Variants in FGD6 observed in about 807,000 individuals in gnomAD.
FGD6 encodes FYVE, RhoGEF and PH domain-containing protein 6.
FGD6 carries 90 observed loss-of-function variants against 149.4 expected under a neutral mutation model. The ratio of observed to expected loss-of-function variants is 0.60; its 90% confidence interval spans 0.51 to 0.72. The LOEUF is 0.72. Among genes scored for constraint, FGD6 ranks in the 30% least tolerant of loss-of-function variants. The pLI, the probability that FGD6 is intolerant of heterozygous loss-of-function variation, is 0.00. For missense variants in FGD6, 1,437 were observed against 1,684.8 expected, an observed-to-expected ratio of 0.85 and a Z score of 2.57; for synonymous variants, 527 against 584.0, an observed-to-expected ratio of 0.90 and a Z score of 1.41.
At chr12:95,120,347 AT>A (rs869204268) in intron 8 of FGD6, among the ~76,000 whole-genome samples, 14 of 150,368 alleles carry the variant, frequency 9.3e-5, no homozygotes, top group Non-Finnish European at 7.4e-5. Flanking sequence ...TTTATTTTTT[AT>A]TTTTTTTGCT....
intron 2 of FGD6, among the ~76,000 whole-genome samples, chr12:95,174,258 A>C (rs1419648880): frequency 6.6e-6 from 1 of 152,204 alleles, no homozygotes; most frequent in African/African-American, 2.4e-5. Flanking sequence ...TTGTTGACTG[A>C]GATTAGCGAG....
At chr12:95,152,225 C>T (rs1431129133) in intron 5 of FGD6, among the ~76,000 whole-genome samples, 2 of 152,048 alleles carry the variant, frequency 1.3e-5, no homozygotes, top group Non-Finnish European at 2.9e-5. Context: ...GCTCAGGAGC[C>T]TGAGGTAGGA....
intron 2 of FGD6, among the ~76,000 whole-genome samples, chr12:95,173,015 C>T (rs1881037275): frequency 6.6e-6 from 1 of 152,130 alleles, no homozygotes; most frequent in South Asian, 2.1e-4. Context: ...CTATATATCC[C>T]TCCCAAAGAA....
rs565167258 is a variant in FGD6, at chr12:95,173,068, A to C, written c.2442-324T>G. Among the ~76,000 whole-genome samples, 4 of 152,326 alleles carry C rather than the reference A, an allele frequency of 2.6e-5. No homozygotes were observed. The South Asian group carries it at 8.3e-4, about 32-fold the overall frequency. On this transcript the variant is annotated intron_variant, in intron 2 of 20. Coordinates refer to ENST00000343958, the MANE Select transcript of FGD6 (RefSeq NM_018351.4). The stretch of plus-strand genomic sequence containing the variant: ...TAGAATAAACTAAGAAGCTTTACAG[A>C]AAGTGAGCTGGTTTACCATAAAAGG...
At chr12:95,199,408 T>C (rs1452513450) in intron 2 of FGD6, among the ~76,000 whole-genome samples, 1 of 152,198 alleles carries the variant, frequency 6.6e-6, no homozygotes, top group Non-Finnish European at 1.5e-5. Flanking sequence ...AAATCCTTAT[T>C]TATTTTTTTC....
rs567599071 is a variant in FGD6, at chr12:95,122,477, C to G, written c.3083-8776G>C. ...CCTAGCCAACATGGTGAAACCCCGT[C>G]TCTACTAAAAATACAAAAATTAGCC... is the stretch of plus-strand genomic sequence containing the variant. On this transcript the variant is annotated intron_variant, in intron 8 of 20. Coordinates refer to ENST00000343958, the MANE Select transcript of FGD6 (RefSeq NM_018351.4). Among the ~76,000 whole-genome samples the G allele has an allele frequency of 1.3e-3, 204 of 151,542 alleles. 2 individuals carry two copies. The highest frequency in any genetic ancestry group is 4.7e-3 in the African/African-American group (196 of 41,312).
rs762950496 is a variant in FGD6 at position 95,137,617 on chromosome 12, A to C, written c.2899T>G (p.Ser967Ala). ...VKKGPYLKMY[S>A]TYIKEFDKNI... ...TTATCAAATTCTTTGATGTATGTGG[A>C]ATACATTTTTAGATATGGTCCCTTC... The change falls in exon 7 of 21, where the codon TCC becomes GCC. Residue 967 changes from serine to alanine, a missense_variant. Ser to Ala is a moderately conservative substitution (Grantham distance 99, BLOSUM62 1). This residue lies in a region of FGD6 where 1,055 missense variants were observed against 1,146.0 expected (regional missense o/e 0.92). Coordinates refer to ENST00000343958, the MANE Select transcript of FGD6 (RefSeq NM_018351.4). The C allele has an allele frequency of 2.5e-6, 4 of 1,612,094 alleles. No individual in the cohort carries two copies. Among genetic ancestry groups the C allele is most frequent in the Non-Finnish European group, 2.5e-6 (3 of 1,179,042 alleles).
chr12:95,098,939 G>A (rs1318773114), intron 14 of FGD6, among the ~76,000 whole-genome samples: 1 of 145,634 alleles, frequency 6.9e-6, no homozygotes, highest in Non-Finnish European at 1.5e-5. Flanking sequence ...GTGCGATCTC[G>A]GCTCACTGTA....
At chr12:95,159,334 T>A (rs141958387) in intron 3 of FGD6, among the ~76,000 whole-genome samples, 4 of 152,180 alleles carry the variant, frequency 2.6e-5, no homozygotes, top group Admixed American at 1.3e-4. Context: ...GAAAACATTT[T>A]AAAAAATCCT....
rs1333867127 is a variant in FGD6 at position 95,079,764 on chromosome 12, T to C, written c.*1756A>G. ...CACAAAAAACTATAGCAGCCAACTCTAGATCTAGTAGGGACTCTGGTGCTG... is the reference window on the plus strand; with the variant it reads ...CACAAAAAACTATAGCAGCCAACTCCAGATCTAGTAGGGACTCTGGTGCTG... On this transcript the variant is annotated 3_prime_UTR_variant, in exon 21 of 21. Transcript: ENST00000343958. The C allele has an allele frequency of 6.6e-6, 1 of 152,028 alleles. No individual in the cohort carries two copies. The highest frequency in any genetic ancestry group is 2.4e-5 in the African/African-American group (1 of 41,384). 9.4% of individuals were successfully genotyped at this position (152,028 alleles called of 1,614,324 possible). A position where few individuals can be genotyped will look rare whatever the true frequency, so the allele number is the denominator to read the frequency against.
chr12:95,165,979 T>TTC (rs1490620351), intron 3 of FGD6, among the ~76,000 whole-genome samples: 2 of 148,818 alleles, frequency 1.3e-5, no homozygotes, highest in African/African-American at 5.0e-5. Flanking sequence ...TTTTTTTTTT[T>TTC]CAATAGGGTC....
Position 95,091,801 on chromosome 12 carries a change from G to C in FGD6, c.3756C>G (p.Cys1252Trp). 1 of 1,610,600 alleles carries C rather than the reference G, an allele frequency of 6.2e-7. No homozygotes were observed. Among genetic ancestry groups the C allele is most frequent in the Non-Finnish European group, 8.5e-7 (1 of 1,178,364 alleles). Residue 1252 changes from cysteine (C) to tryptophan (W), a missense_variant, in exon 17 of 21, where the codon TGC becomes TGG. By Grantham distance (215) the Cys-to-Trp change is radical. Transcript: ENST00000343958. The part of the protein sequence containing the change: ...HHCRACGKIV[C>W]QACSSNKYGL... ...CATACTTATTAGACGAACAAGCTTG[G>C]CATACAATCTGAAAACACATTGGAA...
chr12:95,142,935 C>T (rs910498845), intron 5 of FGD6, among the ~76,000 whole-genome samples: 2 of 152,112 alleles, frequency 1.3e-5, no homozygotes, highest in African/African-American at 4.8e-5. Flanking sequence ...CCCTATTACT[C>T]CAGAGCACTT....
At position 95,211,075 on chromosome 12, in the gene FGD6, G is replaced by A. The variant is rs759375854; in HGVS notation, c.209C>T (p.Ser70Leu). 3.0e-5 allele frequency: 49 copies of A among 1,614,056 alleles called. No individual in the cohort carries two copies. Among genetic ancestry groups the A allele is most frequent in the South Asian group, 5.5e-5 (5 of 91,024 alleles). The change falls in exon 2 of 21, where the codon TCG becomes TTG. Residue 70 changes from serine (S) to leucine (L), a missense_variant. Transcript: ENST00000343958. ...GTTCAACATGATTTTCCTTGATGGC[G>A]ACTGCCCAATCTCTCGAACAGGTGA... ...KTSPVREIGQ[S>L]PSRKIMLNLE...
chr12:95,178,643 G>A (rs143224441), intron 2 of FGD6, among the ~76,000 whole-genome samples: 4 of 151,790 alleles, frequency 2.6e-5, no homozygotes, highest in African/African-American at 9.7e-5. Context: ...CTTGATTAAA[G>A]GTTAAGACAA....
chr12:95,100,990 C>T, intron 14 of FGD6: 1 of 357,576 alleles, frequency 2.8e-6, no homozygotes, highest in Non-Finnish European at 5.4e-6. Flanking sequence ...AGTTATCTCT[C>T]TCCAGCTGAC....
At chr12:95,181,522 C>T (rs1430041637) in intron 2 of FGD6, among the ~76,000 whole-genome samples, 1 of 152,222 alleles carries the variant, frequency 6.6e-6, no homozygotes, top group Non-Finnish European at 1.5e-5. Flanking sequence ...ACAAGCACTA[C>T]ATAAAATAAA....
intron 1 of FGD6, among the ~76,000 whole-genome samples, chr12:95,216,713 T>C (rs1253413708): frequency 6.8e-6 from 1 of 147,666 alleles, no homozygotes; most frequent in South Asian, 2.2e-4. Context: ...TCAACTCCTC[T>C]GCTTCTCAGG....
At chr12:95,162,315 G>T (rs1880667715) in intron 3 of FGD6, among the ~76,000 whole-genome samples, 1 of 152,058 alleles carries the variant, frequency 6.6e-6, no homozygotes, top group Admixed American at 6.6e-5. Flanking sequence ...TTGAGGCCAG[G>T]AGTTCAAGAC....
Sources: gnomAD v4.1 joint callset for allele counts (sites outside exome capture counted in the v4.1 genomes callset) on GRCh38, gnomAD v4.1.1 for gene constraint, gnomAD v4.1.1 regional missense constraint, MANE v1.5 for transcripts, NCBI Gene and HGNC (gene_info 2026-07-23, HGNC 2026-07-21) for gene names.